RIPK4: variants seen among roughly 807,000 people sequenced by gnomAD.
The protein encoded by RIPK4 is receptor interacting serine/threonine kinase 4.
A neutral mutation model predicts 42.9 loss-of-function variants in RIPK4; 17 were observed. The observed-to-expected ratio is 0.40, with a 90% CI of 0.27 to 0.59. The LOEUF (loss-of-function observed/expected upper bound fraction) is 0.59, where lower values mean the gene tolerates loss of function less well. RIPK4 is among the 20% of genes least tolerant of loss of function. The pLI is 0.47. For missense variants in RIPK4, 897 were observed against 1,104.4 expected (o/e 0.81, Z 2.66); for synonymous variants, 498 against 499.1 (o/e 1.00, Z 0.03).
intron 1 of RIPK4, among the ~76,000 whole-genome samples, chr21:41,761,519 C>T (rs753220542): frequency 5.3e-5 from 8 of 152,110 alleles, no homozygotes; most frequent in Non-Finnish European, 1.2e-4. Flanking sequence ...TGCCCCGGGG[C>T]GCTGGCGAAA....
Position 41,741,512 on chromosome 21 carries a change from C to T in RIPK4, c.1681G>A (p.Val561Met), listed in dbSNP as rs773070455. 84 of 1,612,408 alleles carry T rather than the reference C, an allele frequency of 5.2e-5. No individual in the cohort carries two copies. In the Middle Eastern group the frequency reaches 6.6e-4, roughly 13 times the overall value. The change falls in exon 8 of 8, where the codon GTG (valine) becomes ATG (methionine). Residue 561 changes from valine to methionine, a missense_variant. Coordinates refer to ENST00000332512, the MANE Select transcript of RIPK4 (RefSeq NM_020639.3). ...NIVRILLRRGVDVSLQGKDAW... is the reference protein window; with the variant it reads ...NIVRILLRRGMDVSLQGKDAW... Reference sequence around the variant, plus strand: ...TCCTTGCCCTGCAGGCTCACGTCCACGCCTCGGCGCAGCAGGATGCGCACG... The same window carrying T: ...TCCTTGCCCTGCAGGCTCACGTCCATGCCTCGGCGCAGCAGGATGCGCACG...
chr21:41,765,514 C>A (rs549044660), intron 1 of RIPK4, among the ~76,000 whole-genome samples: 2 of 152,062 alleles, frequency 1.3e-5, no homozygotes, highest in African/African-American at 4.8e-5. Context: ...TAGCCAAGGA[C>A]GAAAATGCAA....
chr21:41,739,594 C>T lies in RIPK4; in HGVS notation c.*1244G>A, dbSNP rs1490174913. The T allele has an allele frequency of 6.6e-6, 1 of 152,226 alleles. No individual in the cohort carries two copies. The highest frequency in any genetic ancestry group is 2.4e-5 in the African/African-American group (1 of 41,446). The allele number at this position is 152,226 out of a possible 1,614,324, so 9.4% of individuals were successfully genotyped here. A position where few individuals can be genotyped will look rare whatever the true frequency, so the allele number is the denominator to read the frequency against. ...CTCTATCATATACCAGGCCACGGTACATGTTTGCACGCAGGGTCACGTTCT... is the reference window on the plus strand; with the variant it reads ...CTCTATCATATACCAGGCCACGGTATATGTTTGCACGCAGGGTCACGTTCT... On this transcript the variant is annotated 3_prime_UTR_variant, in exon 8 of 8. Transcript: ENST00000332512.
chr21:41,747,243 C>T (rs2061174712), intron 4 of RIPK4, among the ~76,000 whole-genome samples: 1 of 152,208 alleles, frequency 6.6e-6, no homozygotes, highest in Admixed American at 6.5e-5. Context: ...CAACTCCAAT[C>T]CCAAGCTCAG....
chr21:41,746,677 G>T lies in RIPK4; in HGVS notation c.768C>A (p.Ser256Arg). 6.2e-7 allele frequency: 1 copy of T among 1,611,248 alleles called. No individual in the cohort carries two copies. The change falls in exon 5 of 8, where the codon AGC (serine) becomes AGA (arginine). Residue 256 changes from serine to arginine, a missense_variant. Coordinates refer to ENST00000332512, the MANE Select transcript of RIPK4 (RefSeq NM_020639.3). ...ACCGCTGCATGAGGCGTATCAGGTG[G>T]CTGCAGGCGCGCGGCCGGGCTCTGC... ...PVCRARPRAC[S>R]HLIRLMQRCW...
intron 1 of RIPK4, among the ~76,000 whole-genome samples, chr21:41,766,162 C>T (rs930758285): frequency 6.6e-6 from 1 of 152,198 alleles, no homozygotes; most frequent in Non-Finnish European, 1.5e-5. Context: ...CGAGAGTGTG[C>T]GGCGAGGAAG....
Position 41,746,720 on chromosome 21 carries a change from G to A in RIPK4, c.725C>T (p.Pro242Leu). 1 of 1,609,104 alleles carries A rather than the reference G, an allele frequency of 6.2e-7. No individual in the cohort carries two copies. Among genetic ancestry groups the A allele is most frequent in the Non-Finnish European group, 8.5e-7 (1 of 1,178,892 alleles). The change falls in exon 5 of 8, where the codon CCC (proline) becomes CTC (leucine). Residue 242 changes from proline to leucine, a missense_variant. Pro to Leu is a moderately conservative substitution (Grantham distance 98). Transcript: ENST00000332512. ...IMVKVVKGHR[P>L]ELPPVCRARP... ...GGCTCTGCACACGGGCGGCAGCTCG[G>A]GGCGGTGGCCCTTCACCACCTTCAC...
chr21:41,749,303 C>T, intron 3 of RIPK4, 100 bp from the exon 4 acceptor site: 1 of 1,144,868 alleles, frequency 8.7e-7, no homozygotes, highest in Non-Finnish European at 1.3e-6. Flanking sequence ...GTTCTGAAGC[C>T]TTCCAAAGAC....
rs750890967 is a variant in RIPK4 at position 41,741,551 on chromosome 21, C to T, written c.1642G>A (p.Gly548Arg). 3.4e-5 allele frequency: 55 copies of T among 1,612,028 alleles called. No individual in the cohort carries two copies. In the South Asian group the frequency reaches 3.8e-4, roughly 11 times the overall value. Residue 548 changes from glycine (G) to arginine (R), a missense_variant, in exon 8 of 8, where the codon GGG becomes AGG. Coordinates refer to ENST00000332512, the MANE Select transcript of RIPK4 (RefSeq NM_020639.3). ...AGGATGCGCACGATATTCTCCTGCC[C>T]GTGCTGGCAGGCCACGTGCATGGGC... Reference protein sequence around the residue: ...RTPMHVACQHGQENIVRILLR... With the variant: ...RTPMHVACQHRQENIVRILLR...
At chr21:41,759,153 C>T (rs576212287) in intron 1 of RIPK4, among the ~76,000 whole-genome samples, 6 of 152,098 alleles carry the variant, frequency 3.9e-5, no homozygotes, top group Non-Finnish European at 7.3e-5. Context: ...GGCTGGAGTG[C>T]AGTGGCATGA....
Position 41,741,340 on chromosome 21 carries a change from C to A in RIPK4, c.1853G>T (p.Arg618Leu). 1 of 1,609,924 alleles carries A rather than the reference C, an allele frequency of 6.2e-7. No individual in the cohort carries two copies. Among genetic ancestry groups the A allele is most frequent in the Non-Finnish European group, 8.5e-7 (1 of 1,179,574 alleles). Residue 618 changes from arginine to leucine, a missense_variant, in exon 8 of 8, where the codon CGC becomes CTC. Physicochemically the swap from Arg to Leu is moderately radical, Grantham distance 102 (BLOSUM62 -2). Transcript: ENST00000332512. ...CAGGTCGATGAGGATGCGGGCCACG[C>A]GGTAGTGCCCGCGCTGTGCGGCCAG... is the stretch of plus-strand genomic sequence containing the variant. The part of the protein sequence containing the change: ...LHLAAQRGHY[R>L]VARILIDLCS...
Position 41,740,348 on chromosome 21 carries a change from G to A in RIPK4, c.*490C>T, listed in dbSNP as rs374479259. 1 of 156,136 alleles carries A rather than the reference G, an allele frequency of 6.4e-6. No individual in the cohort carries two copies. Among genetic ancestry groups the A allele is most frequent in the Non-Finnish European group, 1.4e-5 (1 of 71,012 alleles). The allele number at this position is 156,136 out of a possible 1,614,324, so 9.7% of individuals were successfully genotyped here. On this transcript the variant is annotated 3_prime_UTR_variant, in exon 8 of 8. Coordinates refer to ENST00000332512, the MANE Select transcript of RIPK4 (RefSeq NM_020639.3). Reference sequence around the variant, plus strand: ...CAGGTTTCAAGCAACAGCTGATAAGGTATTCATCTCTTAAGATATTTTATA... The same window carrying A: ...CAGGTTTCAAGCAACAGCTGATAAGATATTCATCTCTTAAGATATTTTATA...
chr21:41,744,698 CGA>C (rs2146047342), intron 6 of RIPK4, among the ~76,000 whole-genome samples: 1 of 152,284 alleles, frequency 6.6e-6, no homozygotes, highest in African/African-American at 2.4e-5. Flanking sequence ...TGGCAGGAAA[CGA>C]GAGGACAGAC....
chr21:41,750,958 G>T, intron 3 of RIPK4, 139 bp downstream of exon 3: 2 of 1,066,256 alleles, frequency 1.9e-6, no homozygotes, highest in Non-Finnish European at 2.7e-6. Flanking sequence ...GATTACAGGC[G>T]TGAGTCACCG....
rs2061153137 is a variant in RIPK4, at chr21:41,741,362, C to A, written c.1831G>T (p.Ala611Ser). 2 of 1,611,870 alleles carry A rather than the reference C, an allele frequency of 1.2e-6. No homozygotes were observed. Among genetic ancestry groups the A allele is most frequent in the Non-Finnish European group, 1.7e-6 (2 of 1,179,846 alleles). ...ACGCGGTAGTGCCCGCGCTGTGCGG[C>A]CAGGTGCAATGGCGTCCTCCCATCC... is the stretch of plus-strand genomic sequence containing the variant. Reference protein sequence around the residue: ...TLDGRTPLHLAAQRGHYRVAR... With the variant: ...TLDGRTPLHLSAQRGHYRVAR... Residue 611 changes from alanine to serine, a missense_variant, in exon 8 of 8, where the codon GCC (alanine) becomes TCC (serine). Ala to Ser is a moderately conservative substitution (Grantham distance 99). Coordinates refer to ENST00000332512, the MANE Select transcript of RIPK4 (RefSeq NM_020639.3).
In RIPK4 at chr21:41,741,132, C is replaced by T; in HGVS notation, c.2061G>A (p.Lys687=). ...AARNGHLATV[K]LLVEEKADVL... is the part of the protein sequence containing the mutation. ...CATCGGCCTTCTCCTCGACAAGCAG[C>T]TTGACAGTGGCCAGGTGTCCGTTGC... is the stretch of plus-strand genomic sequence containing the variant. The change falls in exon 8 of 8, where the codon AAG becomes AAA. Residue 687 remains lysine, a synonymous_variant. Coordinates refer to ENST00000332512, the MANE Select transcript of RIPK4 (RefSeq NM_020639.3). 1 of 1,612,910 alleles carries T rather than the reference C, an allele frequency of 6.2e-7. No homozygotes were observed. The highest frequency in any genetic ancestry group is 8.5e-7 in the Non-Finnish European group (1 of 1,179,870).
intron 1 of RIPK4, among the ~76,000 whole-genome samples, chr21:41,761,949 T>C (rs923445227): frequency 2.6e-5 from 4 of 152,308 alleles, no homozygotes; most frequent in Admixed American, 1.3e-4. Context: ...TTACTCTCCC[T>C]GCCCCGGGCT....
chr21:41,746,110 G>A (rs746502495), intron 5 of RIPK4: 4 of 695,922 alleles, frequency 5.7e-6, no homozygotes, highest in Non-Finnish European at 1.1e-5. Flanking sequence ...AGCGCCACCT[G>A]CCAGTCACAG....
chr21:41,753,023 A>C (rs922949980), intron 2 of RIPK4, among the ~76,000 whole-genome samples: 3 of 152,170 alleles, frequency 2.0e-5, no homozygotes, highest in Non-Finnish European at 4.4e-5. Flanking sequence ...AAAATAAAGA[A>C]AGCATCACAT....
Sources: allele counts gnomAD v4.1 joint callset (sites outside exome capture counted in the v4.1 genomes callset), GRCh38; gene constraint gnomAD v4.1.1; transcripts MANE v1.5; gene names NCBI Gene and HGNC (gene_info 2026-07-23, HGNC 2026-07-21).